The following FAM169A variants were observed in gnomAD, a reference collection of about 807,000 sequenced individuals.
FAM169A encodes the protein family with sequence similarity 169 member A.
A neutral mutation model predicts 75.7 loss-of-function variants in FAM169A; 24 were observed. The ratio of observed to expected loss-of-function variants is 0.32; its 90% CI spans 0.23 to 0.45. FAM169A has a LOEUF of 0.45. FAM169A is among the 20% of genes least tolerant of loss of function. FAM169A has a pLI of 1.00. For synonymous variants in FAM169A, 271 were observed against 271.0 expected, an observed-to-expected ratio of 1.00 and a Z score of 0.00; for missense variants, 673 against 784.0, an observed-to-expected ratio of 0.86 and a Z score of 1.69.
intron 11 of FAM169A, among the ~76,000 whole-genome samples, chr5:74,795,177 G>C (rs1456878156): frequency 6.6e-6 from 1 of 151,984 alleles, no homozygotes; most frequent in Non-Finnish European, 1.5e-5. Flanking sequence ...AGAATCACTT[G>C]AACCCAGGAA....
chr5:74,834,317 C>A, intron 5 of FAM169A, 109 bp downstream of exon 5: 4 of 551,512 alleles, frequency 7.3e-6, no homozygotes, highest in Non-Finnish European at 1.1e-5. Flanking sequence ...ATTAAAATCA[C>A]CTCAATTTGC....
chr5:74,815,569 T>C (rs1223891174), intron 5 of FAM169A, among the ~76,000 whole-genome samples: 2 of 152,152 alleles, frequency 1.3e-5, no homozygotes, highest in Admixed American at 6.6e-5. Flanking sequence ...AGTAATCTTG[T>C]CAGAGGCGTT....
intron 11 of FAM169A, among the ~76,000 whole-genome samples, chr5:74,783,402 G>T (rs1745510085): frequency 6.6e-6 from 1 of 152,204 alleles, no homozygotes; most frequent in Non-Finnish European, 1.5e-5. Flanking sequence ...TGGACACACA[G>T]TATGGGTCGG....
intron 6 of FAM169A, among the ~76,000 whole-genome samples, chr5:74,812,819 G>A (rs186910158): frequency 2.4e-3 from 366 of 152,328 alleles, no homozygotes; most frequent in Non-Finnish European, 3.9e-3. Flanking sequence ...ATGTTGGTGA[G>A]GATGTGGAGG....
intron 5 of FAM169A, among the ~76,000 whole-genome samples, chr5:74,832,314 A>C (rs2112642808): frequency 6.6e-6 from 1 of 152,086 alleles, no homozygotes; most frequent in East Asian, 1.9e-4. Context: ...ACAAACTGTA[A>C]GTCTCTCACA....
chr5:74,817,360 A>G (rs570465380), intron 5 of FAM169A, among the ~76,000 whole-genome samples: 1 of 152,292 alleles, frequency 6.6e-6, no homozygotes, highest in Non-Finnish European at 1.5e-5. Flanking sequence ...GTTGCAGGAT[A>G]CAAGATCAAT....
intron 1 of FAM169A, among the ~76,000 whole-genome samples, chr5:74,846,709 T>A (rs1032162607): frequency 6.6e-6 from 1 of 152,170 alleles, no homozygotes; most frequent in Admixed American, 6.5e-5. Flanking sequence ...AGACCACAAG[T>A]ACACACTATC....
chr5:74,866,910 A>G, upstream of FAM169A: 1 of 985,534 alleles, frequency 1.0e-6, no homozygotes, highest in Middle Eastern at 5.2e-4. Context: ...CTTTCATCCT[A>G]AACCTACTGC....
In FAM169A at chr5:74,857,571, G is replaced by GAA. The variant is rs1561328873; in HGVS notation, c.-4+8593_-4+8594insTT. Among the ~76,000 whole-genome samples the GAA allele has an allele frequency of 8.1e-3, 533 of 65,640 alleles. 65 individuals are homozygous for GAA. Among genetic ancestry groups the GAA allele is most frequent in the African/African-American group, 0.028 (443 of 15,814 alleles). 43.1% of individuals were successfully genotyped at this position (65,640 alleles called of 152,430 possible). A position where few individuals can be genotyped will look rare whatever the true frequency, so the allele number is the denominator to read the frequency against. On this transcript the variant is annotated intron_variant, in intron 1 of 12. Transcript: ENST00000687041. ...GGTGACAGAGCCAGACCTTGCCGCG[G>GAA]GAAAAAAAAAAAAAAAAAAAAAAAA...
At chr5:74,855,386 T>G (rs1749655822) in intron 1 of FAM169A, among the ~76,000 whole-genome samples, 1 of 152,130 alleles carries the variant, frequency 6.6e-6, no homozygotes, top group African/African-American at 2.4e-5. Context: ...TTTGTAGAGA[T>G]GGGTTTTCAC....
chr5:74,854,239 C>T (rs2112722859), intron 1 of FAM169A, among the ~76,000 whole-genome samples: 1 of 151,994 alleles, frequency 6.6e-6, no homozygotes, highest in South Asian at 2.1e-4. Flanking sequence ...ACTAAAAATA[C>T]AAAAAATTAG....
chr5:74,817,289 T>C (rs527312184), intron 5 of FAM169A, among the ~76,000 whole-genome samples: 88 of 151,952 alleles, frequency 5.8e-4, no homozygotes, highest in African/African-American at 2.0e-3. Flanking sequence ...ATCTTACATA[T>C]AGAAAATCCT....
intron 1 of FAM169A, among the ~76,000 whole-genome samples, chr5:74,848,137 T>C (rs1045890422): frequency 6.6e-6 from 1 of 152,222 alleles, no homozygotes; most frequent in African/African-American, 2.4e-5. Context: ...TCCATTACTT[T>C]TGTTTCCAGT....
In FAM169A at chr5:74,780,891, G is replaced by A. The variant is rs1454817686; in HGVS notation, c.*569C>T. 1 of 152,300 alleles carries A rather than the reference G, an allele frequency of 6.6e-6. No homozygotes were observed. Among genetic ancestry groups the A allele is most frequent in the Non-Finnish European group, 1.5e-5 (1 of 68,124 alleles). The allele number at this position is 152,300 out of a possible 1,614,324, so 9.4% of individuals were successfully genotyped here. ...AAACTGCATCTATATCTAGGATTAA[G>A]AGGCCAAAACCAAAATATCTTCATG... On this transcript the variant is annotated 3_prime_UTR_variant, in exon 13 of 13. Transcript: ENST00000687041.
intron 11 of FAM169A, among the ~76,000 whole-genome samples, chr5:74,788,145 A>T (rs1054197314): frequency 2.6e-5 from 4 of 152,170 alleles, no homozygotes; most frequent in African/African-American, 9.7e-5. Context: ...GGGGACCCAA[A>T]ACGTCACTGT....
upstream of FAM169A, chr5:74,866,440 G>A (rs570836123): frequency 3.4e-5 from 31 of 909,540 alleles, no homozygotes; most frequent in African/African-American, 5.0e-4. Context: ...CGCCCACCGC[G>A]AATCCCCCCG....
intron 11 of FAM169A, among the ~76,000 whole-genome samples, chr5:74,788,567 T>C (rs2112477774): frequency 6.6e-6 from 1 of 152,100 alleles, no homozygotes; most frequent in East Asian, 1.9e-4. Flanking sequence ...TAGCCGGGCA[T>C]GGTGGCACAT....
intron 5 of FAM169A, among the ~76,000 whole-genome samples, chr5:74,830,980 A>T (rs1748283245): frequency 6.6e-6 from 1 of 152,080 alleles, no homozygotes; most frequent in African/African-American, 2.4e-5. Flanking sequence ...TCTTCTCAAG[A>T]CTCCAAGAAA....
At chr5:74,809,570 T>G (rs1747064051) in intron 6 of FAM169A, among the ~76,000 whole-genome samples, 2 of 152,102 alleles carry the variant, frequency 1.3e-5, no homozygotes, top group Non-Finnish European at 2.9e-5. Flanking sequence ...CACTCCAGCC[T>G]GGGTGACAGA....
Sources: allele counts gnomAD v4.1 joint callset (sites outside exome capture counted in the v4.1 genomes callset), GRCh38; gene constraint gnomAD v4.1.1; transcripts MANE v1.5; gene names NCBI Gene and HGNC (gene_info 2026-07-23, HGNC 2026-07-21).